The following UBL3 variants were observed in gnomAD, a reference collection of about 807,000 sequenced individuals.
The protein encoded by UBL3 is ubiquitin-like protein 3.
A neutral mutation model predicts 18.4 loss-of-function variants in UBL3; 6 were observed. The ratio of observed to expected loss-of-function variants is 0.33; its 90% CI spans 0.18 to 0.64. The LOEUF (loss-of-function observed/expected upper bound fraction) is 0.64. UBL3 is among the 30% of genes least tolerant of loss of function. UBL3 has a pLI of 0.76. For synonymous variants in UBL3, 49 were observed against 46.6 expected (o/e 1.05, Z -0.21); for missense variants, 109 against 142.9 (o/e 0.76, Z 1.21).
At chr13:29,822,646 T>C (rs193218084) in intron 1 of UBL3, among the ~76,000 whole-genome samples, 2 of 152,148 alleles carry the variant, frequency 1.3e-5, no homozygotes, top group African/African-American at 4.8e-5. Context: ...CAAGTGATCA[T>C]CCCATCTCAG....
intron 1 of UBL3, among the ~76,000 whole-genome samples, chr13:29,821,866 A>G (rs555218607): frequency 1.2e-4 from 18 of 152,326 alleles, no homozygotes; most frequent in Admixed American, 2.6e-4. Context: ...AGTGGCTCTC[A>G]AGGAACATAG....
chr13:29,803,877 A>G (rs1877834980), intron 1 of UBL3, among the ~76,000 whole-genome samples: 1 of 152,122 alleles, frequency 6.6e-6, no homozygotes, highest in African/African-American at 2.4e-5. Context: ...TTAAGCAGAT[A>G]ATCAAGGCAG....
intron 1 of UBL3, among the ~76,000 whole-genome samples, chr13:29,802,573 G>A (rs1436883147): frequency 6.6e-6 from 1 of 152,190 alleles, no homozygotes; most frequent in Admixed American, 6.5e-5. Context: ...AAATGATGCA[G>A]GAGCTGATAG....
intron 2 of UBL3, among the ~76,000 whole-genome samples, chr13:29,772,628 TA>T (rs1876874425): frequency 6.6e-6 from 1 of 152,100 alleles, no homozygotes; most frequent in African/African-American, 2.4e-5. Flanking sequence ...AACAAAGATC[TA>T]AAAAACAGTT....
intron 1 of UBL3, among the ~76,000 whole-genome samples, chr13:29,816,803 A>C (rs1878295731): frequency 6.6e-6 from 1 of 151,486 alleles, no homozygotes; most frequent in African/African-American, 2.4e-5. Flanking sequence ...TGAACTCTGA[A>C]AATCTTCTAG....
At chr13:29,776,742 G>A (rs994114440) in intron 2 of UBL3, among the ~76,000 whole-genome samples, 6 of 151,560 alleles carry the variant, frequency 4.0e-5, no homozygotes, top group African/African-American at 4.8e-5. Context: ...GTGGTGGCAC[G>A]TGCCTGAAGT....
intron 1 of UBL3, among the ~76,000 whole-genome samples, chr13:29,786,990 T>C (rs1184513339): frequency 1.3e-5 from 2 of 152,202 alleles, no homozygotes; most frequent in African/African-American, 4.8e-5. Context: ...CATTTTAAAA[T>C]GTAGGTGGAA....
chr13:29,790,390 T>C (rs1877450984), intron 1 of UBL3, among the ~76,000 whole-genome samples: 1 of 152,216 alleles, frequency 6.6e-6, no homozygotes, highest in African/African-American at 2.4e-5. Context: ...TACTGAACTG[T>C]GCTCCTAAAG....
intron 1 of UBL3, among the ~76,000 whole-genome samples, chr13:29,817,704 C>A (rs1388271857): frequency 6.6e-6 from 1 of 152,038 alleles, no homozygotes; most frequent in Non-Finnish European, 1.5e-5. Flanking sequence ...AAGTGAAATA[C>A]GTACAAATTC....
intron 1 of UBL3, among the ~76,000 whole-genome samples, chr13:29,833,313 G>A (rs1175893552): frequency 6.6e-6 from 1 of 152,202 alleles, no homozygotes; most frequent in Non-Finnish European, 1.5e-5. Context: ...AGATAAAAGA[G>A]GAAATTGATT....
intron 2 of UBL3, among the ~76,000 whole-genome samples, chr13:29,775,141 A>G (rs1193148547): frequency 6.6e-6 from 1 of 152,212 alleles, no homozygotes; most frequent in Non-Finnish European, 1.5e-5. Flanking sequence ...GTAAGCAGTG[A>G]GCTGGCTTTG....
At chr13:29,806,755 G>A (rs1022864999) in intron 1 of UBL3, among the ~76,000 whole-genome samples, 2 of 152,142 alleles carry the variant, frequency 1.3e-5, no homozygotes, top group African/African-American at 2.4e-5. Context: ...ACTGCCTGAA[G>A]GGATATTATA....
chr13:29,776,110 T>C (rs1009330009), intron 2 of UBL3, among the ~76,000 whole-genome samples: 13 of 152,140 alleles, frequency 8.5e-5, no homozygotes, highest in Non-Finnish European at 1.8e-4. Flanking sequence ...TAATTTTAAA[T>C]AGGCTATCTA....
chr13:29,828,390 T>A (rs1038575030), intron 1 of UBL3, among the ~76,000 whole-genome samples: 1 of 152,198 alleles, frequency 6.6e-6, no homozygotes, highest in African/African-American at 2.4e-5. Flanking sequence ...TACTCTTTTT[T>A]CTCTAAACTT....
intron 1 of UBL3, among the ~76,000 whole-genome samples, chr13:29,836,341 C>T (rs1049060718): frequency 6.9e-6 from 1 of 143,924 alleles, no homozygotes; most frequent in Admixed American, 7.0e-5. Context: ...CACAAAACAG[C>T]AAAAATAAAT....
At position 29,780,390 on chromosome 13, in the gene UBL3, A is replaced by ATATATGTG. The variant is rs755886113; in HGVS notation, c.28-3128_28-3127insCACATATA. On this transcript the variant is annotated intron_variant, in intron 1 of 4. Transcript: ENST00000380680. ...AAAATATATATATATATATATATATATGTGTGTGTGTGTGTGTATATATAT... is the reference window on the plus strand; with the variant it reads ...AAAATATATATATATATATATATATATATATGTGTGTGTGTGTGTGTGTGTATATATAT... Among the ~76,000 whole-genome samples the ATATATGTG allele has an allele frequency of 5.3e-4, 49 of 92,150 alleles. 1 individual carries two copies. Among genetic ancestry groups the ATATATGTG allele is most frequent in the African/African-American group, 1.1e-3 (28 of 24,896 alleles). The allele number at this position is 92,150 out of a possible 152,430, so 60.5% of individuals were successfully genotyped here. A position where few individuals can be genotyped will look rare whatever the true frequency, so the allele number is the denominator to read the frequency against.
intron 1 of UBL3, among the ~76,000 whole-genome samples, chr13:29,791,525 T>C (rs1877478788): frequency 6.6e-6 from 1 of 152,188 alleles, no homozygotes; most frequent in Non-Finnish European, 1.5e-5. Context: ...AATTCCTATT[T>C]CAGCCAAAGC....
chr13:29,826,731 T>C (rs1240917303), intron 1 of UBL3, among the ~76,000 whole-genome samples: 2 of 152,204 alleles, frequency 1.3e-5, no homozygotes, highest in East Asian at 1.9e-4. Context: ...TGCTAGCTTT[T>C]GAATGTGTTT....
chr13:29,827,239 T>G (rs1188774493), intron 1 of UBL3, among the ~76,000 whole-genome samples: 1 of 152,184 alleles, frequency 6.6e-6, no homozygotes, highest in Non-Finnish European at 1.5e-5. Context: ...CTGGATATCC[T>G]TGTTAACTTT....
Sources: allele counts gnomAD v4.1 joint callset (sites outside exome capture counted in the v4.1 genomes callset), GRCh38; gene constraint gnomAD v4.1.1; transcripts MANE v1.5; gene names NCBI Gene and HGNC (gene_info 2026-07-23, HGNC 2026-07-21).